The following GCSH variants were observed in gnomAD, a reference collection of about 807,000 sequenced individuals.
GCSH encodes glycine cleavage system H protein, mitochondrial.
GCSH carries 15 observed loss-of-function variants against 21.3 expected under a neutral mutation model. The ratio of observed to expected loss-of-function variants is 0.70; its 90% CI spans 0.47 to 1.08. GCSH has a LOEUF of 1.08. GCSH is among the 50% of genes least tolerant of loss of function. GCSH has a pLI of 0.00. For synonymous variants in GCSH, 59 were observed against 84.5 expected, an observed-to-expected ratio of 0.70 and a Z score of 1.66; for missense variants, 179 against 217.5, an observed-to-expected ratio of 0.82 and a Z score of 1.11.
intron 2 of GCSH, 62 bp from the exon 3 acceptor site, chr16:81,087,726 C>A: frequency 3.6e-6 from 4 of 1,099,026 alleles, no homozygotes; most frequent in African/African-American, 1.5e-5. Context: ...CTCCAGTAAA[C>A]AGAATAAGCC....
chr16:81,091,471 A>G (rs933842460), intron 1 of GCSH, among the ~76,000 whole-genome samples: 1 of 152,228 alleles, frequency 6.6e-6, no homozygotes, highest in Non-Finnish European at 1.5e-5. Flanking sequence ...ATCCTGAAAG[A>G]AGGACCGGCC....
intron 3 of GCSH, 145 bp from the exon 4 acceptor site, chr16:81,084,739 T>G (rs1972237713): frequency 1.6e-6 from 1 of 644,324 alleles, no homozygotes; most frequent in Non-Finnish European, 2.6e-6. Flanking sequence ...AGATGGAGTC[T>G]CGCTCTGTTG....
At chr16:81,093,965 A>C (rs545922851) in intron 1 of GCSH, among the ~76,000 whole-genome samples, 377 of 152,010 alleles carry the variant, frequency 2.5e-3, no homozygotes, top group African/African-American at 7.8e-3. Flanking sequence ...GTAGTGGTGC[A>C]ATCTAGGCTC....
At chr16:81,088,099 C>T (rs1245575038) in intron 2 of GCSH, among the ~76,000 whole-genome samples, 1 of 152,030 alleles carries the variant, frequency 6.6e-6, no homozygotes, top group African/African-American at 2.4e-5. Flanking sequence ...ATACTCCAGC[C>T]TTGGCGACAG....
At chr16:81,094,086 G>A (rs1972453445) in intron 1 of GCSH, among the ~76,000 whole-genome samples, 1 of 152,030 alleles carries the variant, frequency 6.6e-6, no homozygotes, top group Non-Finnish European at 1.5e-5. Context: ...TTTTGGTAGA[G>A]ACAGGGTTTC....
At chr16:81,095,001 G>C (rs1376731672) in intron 1 of GCSH, among the ~76,000 whole-genome samples, 3 of 151,722 alleles carry the variant, frequency 2.0e-5, no homozygotes, top group Admixed American at 6.6e-5. Flanking sequence ...GCTGAGGCAA[G>C]AGAATCGCTT....
chr16:81,087,888 C>T (rs977356042), intron 2 of GCSH, among the ~76,000 whole-genome samples: 1 of 152,094 alleles, frequency 6.6e-6, no homozygotes, highest in Admixed American at 6.6e-5. Context: ...CTTTGAAAGG[C>T]CCAAAGTGGG....
intron 1 of GCSH, 165 bp from the exon 2 acceptor site, chr16:81,090,845 G>C: frequency 1.5e-6 from 1 of 685,338 alleles, no homozygotes. Flanking sequence ...CATGTATAGA[G>C]ATGACGCATT....
chr16:81,084,350 A>T lies in GCSH; in HGVS notation c.424+113T>A, dbSNP rs558598354. ...CTTTTAAAGCAGAACATCTCTATTT[A>T]GTACCAAGAAGTAGAAAAAGATGAA... On this transcript the variant is annotated intron_variant, in intron 4 of 4. Coordinates refer to ENST00000315467, the MANE Select transcript of GCSH (RefSeq NM_004483.5). The T allele has an allele frequency of 2.5e-5, 20 of 814,888 alleles. No homozygotes were observed. The African/African-American group carries it at 3.2e-4, about 13-fold the overall frequency. 50.5% of individuals were successfully genotyped at this position (814,888 alleles called of 1,614,324 possible). A position where few individuals can be genotyped will look rare whatever the true frequency, so the allele number is the denominator to read the frequency against.
intron 1 of GCSH, among the ~76,000 whole-genome samples, chr16:81,094,483 C>T (rs1174226901): frequency 5.3e-5 from 8 of 149,566 alleles, no homozygotes; most frequent in Non-Finnish European, 1.2e-4. Context: ...CCAGCCTGGG[C>T]GACAGAGCGA....
rs2151765481 is a variant in GCSH, at chr16:81,082,459, C to G, written c.*407G>C. On this transcript the variant is annotated 3_prime_UTR_variant, in exon 5 of 5. Coordinates refer to ENST00000315467, the MANE Select transcript of GCSH (RefSeq NM_004483.5). ...TGACACTGTACAAGCAACAAAACCT[C>G]TTCACTTCCAGTTATTTCCAATGGA... is the stretch of plus-strand genomic sequence containing the variant. 2.5e-6 allele frequency: 1 copy of G among 393,004 alleles called. No homozygotes were observed. The highest frequency in any genetic ancestry group is 2.2e-5 in the African/African-American group (1 of 45,436). The allele number at this position is 393,004 out of a possible 1,614,324, so 24.3% of individuals were successfully genotyped here.
At chr16:81,088,497 C>G (rs145591568) in intron 2 of GCSH, among the ~76,000 whole-genome samples, 3 of 152,252 alleles carry the variant, frequency 2.0e-5, no homozygotes, top group Non-Finnish European at 2.9e-5. Context: ...CTCCCAGGTT[C>G]AAGCGATTCT....
intron 1 of GCSH, among the ~76,000 whole-genome samples, chr16:81,095,312 A>C (rs899337091): frequency 3.3e-5 from 5 of 151,994 alleles, no homozygotes; most frequent in Non-Finnish European, 5.9e-5. Context: ...TGTTTTGGGG[A>C]AATAGCTGAA....
chr16:81,096,063 C>G, intron 1 of GCSH, 68 bp downstream of exon 1: 2 of 1,201,712 alleles, frequency 1.7e-6, no homozygotes, highest in Non-Finnish European at 2.1e-6. Context: ...TCCTCCGTGT[C>G]CCGCTGGGCC....
At chr16:81,088,974 G>C (rs1204285082) in intron 2 of GCSH, among the ~76,000 whole-genome samples, 1 of 152,138 alleles carries the variant, frequency 6.6e-6, no homozygotes, top group African/African-American at 2.4e-5. Context: ...ATAAACTCTA[G>C]GAGGTAAGGA....
At chr16:81,089,355 G>C (rs576541707) in intron 2 of GCSH, among the ~76,000 whole-genome samples, 12 of 152,296 alleles carry the variant, frequency 7.9e-5, no homozygotes, top group African/African-American at 2.6e-4. Context: ...TGCTCAAAAA[G>C]TTTCAGATTT....
At chr16:81,095,649 C>T (rs8048748) in intron 1 of GCSH, among the ~76,000 whole-genome samples, 4,660 of 30,088 alleles carry the variant, frequency 0.15, 95 homozygotes, top group Middle Eastern at 0.31. Flanking sequence ...GCCAACGCGC[C>T]CTGCCTGGTG....
chr16:81,086,854 G>A (rs1972290920), intron 3 of GCSH, among the ~76,000 whole-genome samples: 4 of 133,996 alleles, frequency 3.0e-5, no homozygotes, highest in Non-Finnish European at 6.7e-5. Context: ...AACCTATGGT[G>A]TAGAAACGAG....
intron 2 of GCSH, 129 bp from the exon 3 acceptor site, chr16:81,087,793 C>T (rs149405817): frequency 1.4e-4 from 102 of 717,434 alleles, no homozygotes; most frequent in East Asian, 7.6e-4. Flanking sequence ...GGAGGGGCTA[C>T]ATTCTTGAGT....
Sources: gnomAD v4.1 joint callset for allele counts (sites outside exome capture counted in the v4.1 genomes callset) on GRCh38, gnomAD v4.1.1 for gene constraint, MANE v1.5 for transcripts, NCBI Gene and HGNC (gene_info 2026-07-23, HGNC 2026-07-21) for gene names.